The following CCDC7 variants were observed in gnomAD, a reference collection of about 807,000 sequenced individuals.
CCDC7 encodes coiled-coil domain-containing protein 7.
A neutral mutation model predicts 196.9 loss-of-function variants in CCDC7; 183 were observed. The observed-to-expected ratio is 0.93, with a 90% CI of 0.82 to 1.05. The LOEUF (loss-of-function observed/expected upper bound fraction) is 1.05, where lower values mean the gene tolerates loss of function less well. Among genes scored for constraint, CCDC7 ranks in the 50% least tolerant of loss-of-function variants. The pLI, the probability that CCDC7 is intolerant of heterozygous loss-of-function variation, is 0.00. For synonymous variants in CCDC7, 525 were observed against 484.6 expected, an observed-to-expected ratio of 1.08 and a Z score of -1.10; for missense variants, 1,540 against 1,482.2, an observed-to-expected ratio of 1.04 and a Z score of -0.64.
chr10:32,854,346 T>C, intron 40 of CCDC7, 54 bp from the exon 42 acceptor site: 1 of 1,031,756 alleles, frequency 9.7e-7, no homozygotes, highest in Admixed American at 2.3e-5. Context: ...ATTTTAAAAG[T>C]TGAAATTACT....
chr10:32,525,179 G>A (rs1038712631), intron 11 of CCDC7, among the ~76,000 whole-genome samples: 1 of 150,956 alleles, frequency 6.6e-6, no homozygotes, highest in Non-Finnish European at 1.5e-5. Context: ...AATCAACATG[G>A]CACATGTGTA....
intron 28 of CCDC7, among the ~76,000 whole-genome samples, chr10:32,754,080 G>A (rs1174073822): frequency 6.6e-6 from 1 of 151,930 alleles, no homozygotes; most frequent in African/African-American, 2.4e-5. Flanking sequence ...GTTGTAAAAT[G>A]TATAACCAAT....
chr10:32,815,091 CA>C (rs1268251197), intron 31 of CCDC7, among the ~76,000 whole-genome samples: 1 of 151,974 alleles, frequency 6.6e-6, no homozygotes, highest in East Asian at 1.9e-4. Flanking sequence ...AGCAAACAAA[CA>C]AAAACAACAA....
intron 33 of CCDC7, among the ~76,000 whole-genome samples, chr10:32,835,797 T>C (rs1039658990): frequency 6.6e-6 from 1 of 152,102 alleles, no homozygotes; most frequent in African/African-American, 2.4e-5. Flanking sequence ...CAAGTTTACC[T>C]ATGTAACAAA....
intron 29 of CCDC7, among the ~76,000 whole-genome samples, chr10:32,803,219 G>T (rs2085153010): frequency 6.6e-6 from 1 of 152,236 alleles, no homozygotes; most frequent in Admixed American, 6.5e-5. Context: ...GTATTCAGTA[G>T]TTGTTGGAGG....
intron 21 of CCDC7, among the ~76,000 whole-genome samples, chr10:32,677,819 T>C (rs773614017): frequency 3.9e-5 from 6 of 152,144 alleles, no homozygotes; most frequent in Non-Finnish European, 5.9e-5. Flanking sequence ...CTCTCTTTCT[T>C]CTTGGACTTC....
intron 31 of CCDC7, among the ~76,000 whole-genome samples, chr10:32,823,076 G>A (rs2090523424): frequency 6.6e-6 from 1 of 151,692 alleles, no homozygotes; most frequent in Admixed American, 6.6e-5. Context: ...TCAGTTTTCT[G>A]TTGCATATAG....
intron 18 of CCDC7, among the ~76,000 whole-genome samples, chr10:32,585,905 G>A (rs1008916870): frequency 2.6e-5 from 4 of 152,204 alleles, no homozygotes; most frequent in East Asian, 3.9e-4. Context: ...TGGGATTGCC[G>A]GGTCAAATGG....
At chr10:32,795,391 T>C (rs1348588211) in intron 29 of CCDC7, among the ~76,000 whole-genome samples, 1 of 152,184 alleles carries the variant, frequency 6.6e-6, no homozygotes, top group East Asian at 1.9e-4. Flanking sequence ...CAAATGTATT[T>C]CTCAGCGCCA....
chr10:32,543,528 C>CATGTTTTT, intron 12 of CCDC7, 143 bp downstream of exon 13: 1 of 906,010 alleles, frequency 1.1e-6, no homozygotes, highest in East Asian at 3.9e-5. Context: ...TTTTTATAAG[C>CATGTTTTT]ATACCAGTAT....
chr10:32,625,713 G>T (rs2063951517), intron 18 of CCDC7, among the ~76,000 whole-genome samples: 1 of 151,934 alleles, frequency 6.6e-6, no homozygotes, highest in Non-Finnish European at 1.5e-5. Context: ...TATACTTTTT[G>T]ACATCATCTC....
At chr10:32,574,517 C>A in intron 16 of CCDC7, 1 of 1,516,774 alleles carries the variant, frequency 6.6e-7, no homozygotes, top group Non-Finnish European at 8.8e-7. Flanking sequence ...CCCACCTGAG[C>A]AGATACATGG....
intron 22 of CCDC7, among the ~76,000 whole-genome samples, chr10:32,687,367 C>T (rs904325771): frequency 3.3e-5 from 5 of 152,186 alleles, no homozygotes; most frequent in East Asian, 1.9e-4. Flanking sequence ...CTAAAATGAC[C>T]TTAACCACAG....
At chr10:32,540,493 T>A (rs1315286528) in intron 11 of CCDC7, among the ~76,000 whole-genome samples, 1 of 152,220 alleles carries the variant, frequency 6.6e-6, no homozygotes, top group Non-Finnish European at 1.5e-5. Context: ...ACTCTGTACC[T>A]TTTAATTTGG....
At chr10:32,594,319 T>G (rs1472949983) in intron 18 of CCDC7, among the ~76,000 whole-genome samples, 1 of 152,228 alleles carries the variant, frequency 6.6e-6, no homozygotes, top group Non-Finnish European at 1.5e-5. Flanking sequence ...CAATTGTGAA[T>G]GGGAGTTCAC....
At chr10:32,761,913 C>T (rs549245144) in intron 28 of CCDC7, among the ~76,000 whole-genome samples, 5 of 152,052 alleles carry the variant, frequency 3.3e-5, no homozygotes, top group African/African-American at 1.2e-4. Context: ...ATAGGAGGTT[C>T]CTTACTTTTC....
chr10:32,876,283 A>C, intron 41 of CCDC7, 64 bp from the exon 43 acceptor site: 1 of 1,244,672 alleles, frequency 8.0e-7, no homozygotes. Flanking sequence ...ATATACAATA[A>C]AAATTATATC....
At chr10:32,621,777 T>C (rs970778544) in intron 18 of CCDC7, among the ~76,000 whole-genome samples, 1 of 152,152 alleles carries the variant, frequency 6.6e-6, no homozygotes, top group Non-Finnish European at 1.5e-5. Flanking sequence ...GGAGAACTTA[T>C]TGTTGCTCTG....
At chr10:32,650,484 C>T (rs1168814414) in intron 20 of CCDC7, among the ~76,000 whole-genome samples, 1 of 152,198 alleles carries the variant, frequency 6.6e-6, no homozygotes. Flanking sequence ...GGCACTGTGC[C>T]TGCAATTTTG....
Sources: gnomAD v4.1 joint callset for allele counts (sites outside exome capture counted in the v4.1 genomes callset) on GRCh38, gnomAD v4.1.1 for gene constraint, MANE v1.5 for transcripts, NCBI Gene and HGNC (gene_info 2026-07-23, HGNC 2026-07-21) for gene names.